Variants in GNB1 observed in about 807,000 individuals in gnomAD.
The protein encoded by GNB1 is guanine nucleotide-binding protein G(I)/G(S)/G(T) subunit beta-1.
Under a neutral mutation model 42.9 loss-of-function variants are expected in GNB1, and 2 were observed. The observed-to-expected ratio is 0.05, with a 90% CI of 0.02 to 0.15. The LOEUF is 0.15. GNB1 is among the 10% of genes least tolerant of loss of function. The pLI is 1.00. For missense variants in GNB1, 193 were observed against 462.2 expected (o/e 0.42, Z 5.34); for synonymous variants, 183 against 174.7 (o/e 1.05, Z -0.38).
chr1:1,830,255 A>ATAAGT lies in GNB1; in HGVS notation c.-46-4757_-46-4756insACTTA, dbSNP rs375994374. Among the ~76,000 whole-genome samples the ATAAGT allele has an allele frequency of 8.2e-3, 1,252 of 152,028 alleles. 19 individuals are homozygous for ATAAGT. The highest frequency in any genetic ancestry group is 0.029 in the African/African-American group (1,200 of 41,402). On this transcript the variant is annotated intron_variant, in intron 2 of 11. Coordinates refer to ENST00000378609, the MANE Select transcript of GNB1 (RefSeq NM_002074.5). ...CTTTATACTTTTCAGTTTCAATAAA[A>ATAAGT]TAATATTACATTTTTTTTTTTTTGA...
intron 1 of GNB1, among the ~76,000 whole-genome samples, chr1:1,873,621 G>A (rs1649367951): frequency 1.3e-5 from 2 of 152,178 alleles, no homozygotes; most frequent in Non-Finnish European, 1.5e-5. Flanking sequence ...TCTTAAACTT[G>A]GCGCCGAGAC....
rs1372699090 is a variant in GNB1, at chr1:1,786,071, TTTAAC to T, written c.*987_*991del. ...TGGCAAACAATCAAAATTTTTAAAA[TTTAAC>T]TTAGAAAGTCTGAGATCATTATTTT... On this transcript the variant is annotated 3_prime_UTR_variant, in exon 12 of 12. Coordinates refer to ENST00000378609, the MANE Select transcript of GNB1 (RefSeq NM_002074.5). 3 of 398,436 alleles carry T rather than the reference TTTAAC, an allele frequency of 7.5e-6. No individual in the cohort carries two copies. Among genetic ancestry groups the T allele is most frequent in the Non-Finnish European group, 8.8e-6 (2 of 226,050 alleles). The allele number at this position is 398,436 out of a possible 1,614,324, so 24.7% of individuals were successfully genotyped here.
intron 5 of GNB1, among the ~76,000 whole-genome samples, chr1:1,813,011 C>G (rs1646803520): frequency 6.6e-6 from 1 of 152,148 alleles, no homozygotes; most frequent in African/African-American, 2.4e-5. Context: ...CCAGCAGCAG[C>G]ACTGTCTACT....
At chr1:1,844,899 A>G (rs780300098) in intron 1 of GNB1, among the ~76,000 whole-genome samples, 8 of 152,234 alleles carry the variant, frequency 5.3e-5, no homozygotes, top group African/African-American at 1.9e-4. Context: ...TCCAGCCCCA[A>G]GAGTTTTGCC....
At chr1:1,829,764 G>A (rs1393730404) in intron 2 of GNB1, among the ~76,000 whole-genome samples, 1 of 151,848 alleles carries the variant, frequency 6.6e-6, no homozygotes, top group Non-Finnish European at 1.5e-5. Flanking sequence ...TTGAGATGGA[G>A]TTTTGCTCTT....
At chr1:1,878,374 T>C (rs1465636672) in intron 1 of GNB1, among the ~76,000 whole-genome samples, 1 of 152,210 alleles carries the variant, frequency 6.6e-6, no homozygotes, top group Non-Finnish European at 1.5e-5. Context: ...ATAATATGTA[T>C]GCCAAGCGGG....
intron 5 of GNB1, among the ~76,000 whole-genome samples, chr1:1,808,275 T>C (rs905873714): frequency 7.2e-5 from 11 of 151,904 alleles, no homozygotes; most frequent in Non-Finnish European, 1.3e-4. Flanking sequence ...AACGTTTTGG[T>C]ATTACAAGCG....
intron 1 of GNB1, among the ~76,000 whole-genome samples, chr1:1,872,867 G>GT (rs1473694767): frequency 1.3e-5 from 2 of 151,996 alleles, no homozygotes; most frequent in Non-Finnish European, 2.9e-5. Context: ...TAAGTACTTG[G>GT]TAAATATTTG....
At chr1:1,813,394 C>T (rs151320466) in intron 5 of GNB1, among the ~76,000 whole-genome samples, 1,940 of 151,954 alleles carry the variant, frequency 0.013, 38 homozygotes, top group African/African-American at 0.044. Context: ...TACAGGTGTG[C>T]GCCACTGCAT....
In GNB1 at chr1:1,789,085, T is replaced by A; in HGVS notation, c.884A>T (p.Asn295Ile). 6.2e-7 allele frequency: 1 copy of A among 1,614,154 alleles called. No individual in the cohort carries two copies. The highest frequency in any genetic ancestry group is 8.5e-7 in the Non-Finnish European group (1 of 1,180,016). Residue 295 changes from asparagine to isoleucine, a missense_variant, in exon 10 of 12, where the codon AAC becomes ATC. By Grantham distance (149) the Asn-to-Ile change is moderately radical. Coordinates refer to ENST00000378609, the MANE Select transcript of GNB1 (RefSeq NM_002074.5). ...GTCGGCTTTGAGTGCATCCCAGACGTTGCAGTTGAAGTCGTCGTACCCAGC... is the reference window on the plus strand; with the variant it reads ...GTCGGCTTTGAGTGCATCCCAGACGATGCAGTTGAAGTCGTCGTACCCAGC... ...LLAGYDDFNCNVWDALKADRA... is the reference protein window; with the variant it reads ...LLAGYDDFNCIVWDALKADRA...
chr1:1,864,927 CAG>C (rs1473255460), intron 1 of GNB1, among the ~76,000 whole-genome samples: 3 of 152,142 alleles, frequency 2.0e-5, no homozygotes, highest in African/African-American at 7.2e-5. Context: ...TTGCCTTGTA[CAG>C]AGTTATGAAG....
At position 1,890,853 on chromosome 1, in the gene GNB1, A is replaced by ACCGCCGCCTCGG. The variant is rs1463906743; in HGVS notation, c.-141_-130dup. Reference sequence around the variant, plus strand: ...CCTCGTCGCGGCCTGACGCGCCCACACCGCCGCCTCGGCCGCCGCTCGGCA... The same window carrying ACCGCCGCCTCGG: ...CCTCGTCGCGGCCTGACGCGCCCACACCGCCGCCTCGGCCGCCGCCTCGGCCGCCGCTCGGCA... On this transcript the variant is annotated 5_prime_UTR_variant, in exon 1 of 12. Coordinates refer to ENST00000378609, the MANE Select transcript of GNB1 (RefSeq NM_002074.5). 2.0e-5 allele frequency: 3 copies of ACCGCCGCCTCGG among 146,440 alleles called. No homozygotes were observed. Among genetic ancestry groups the ACCGCCGCCTCGG allele is most frequent in the Non-Finnish European group, 4.5e-5 (3 of 65,990 alleles). The allele number at this position is 146,440 out of a possible 1,614,324, so 9.1% of individuals were successfully genotyped here. A position where few individuals can be genotyped will look rare whatever the true frequency, so the allele number is the denominator to read the frequency against.
chr1:1,811,239 C>T (rs139039756), intron 5 of GNB1, among the ~76,000 whole-genome samples: 7,963 of 151,878 alleles, frequency 0.052, 297 homozygotes, highest in Non-Finnish European at 0.083. Context: ...AGGCACTCGC[C>T]ACCACACCTG....
chr1:1,789,348 G>A, intron 9 of GNB1, 79 bp from the exon 10 acceptor site: 1 of 805,342 alleles, frequency 1.2e-6, no homozygotes, highest in South Asian at 1.5e-5. Context: ...TCAATGGTAG[G>A]GCTGCAGAGA....
chr1:1,856,294 C>T (rs1006199243), intron 1 of GNB1, among the ~76,000 whole-genome samples: 1 of 152,070 alleles, frequency 6.6e-6, no homozygotes, highest in Non-Finnish European at 1.5e-5. Flanking sequence ...ATAGGGCTTT[C>T]TTTTTTTAAA....
chr1:1,889,806 T>A (rs187225731), intron 1 of GNB1, among the ~76,000 whole-genome samples: 1 of 151,990 alleles, frequency 6.6e-6, no homozygotes, highest in African/African-American at 2.4e-5. Context: ...AGAAAAAATA[T>A]AGCAGGTTCT....
chr1:1,854,268 G>A (rs1010636834), intron 1 of GNB1, among the ~76,000 whole-genome samples: 3 of 152,178 alleles, frequency 2.0e-5, no homozygotes, highest in Admixed American at 2.0e-4. Context: ...AAATCTGAGC[G>A]GGGTCCCAAG....
At chr1:1,807,536 G>A (rs1231371275) in intron 5 of GNB1, among the ~76,000 whole-genome samples, 1 of 127,492 alleles carries the variant, frequency 7.8e-6, no homozygotes, top group African/African-American at 3.1e-5. Context: ...CCAAATTCAT[G>A]AAACATTTCT....
intron 2 of GNB1, among the ~76,000 whole-genome samples, chr1:1,836,685 G>C (rs1176365820): frequency 6.6e-6 from 1 of 151,826 alleles, no homozygotes; most frequent in Non-Finnish European, 1.5e-5. Flanking sequence ...CAAATGGCCG[G>C]GATTATAGGC....
Sources: gnomAD v4.1 joint callset for allele counts (sites outside exome capture counted in the v4.1 genomes callset) on GRCh38, gnomAD v4.1.1 for gene constraint, MANE v1.5 for transcripts, NCBI Gene and HGNC (gene_info 2026-07-23, HGNC 2026-07-21) for gene names.